The following SLC39A11 variants were observed in gnomAD, a reference collection of about 807,000 sequenced individuals.
SLC39A11 encodes solute carrier family 39 member 11, also known as zinc transporter ZIP11.
A neutral mutation model predicts 36.1 loss-of-function variants in SLC39A11; 33 were observed. The observed-to-expected ratio is 0.91, with a 90% CI of 0.69 to 1.22. The LOEUF (loss-of-function observed/expected upper bound fraction) is 1.22. SLC39A11 is among the 50% of genes most tolerant of loss of function. SLC39A11 has a pLI of 0.00. For synonymous variants in SLC39A11, 166 were observed against 170.3 expected (o/e 0.97, Z 0.20); for missense variants, 432 against 430.3 (o/e 1.00, Z -0.03).
intron 4 of SLC39A11, among the ~76,000 whole-genome samples, chr17:73,018,402 T>C (rs1240905231): frequency 6.6e-6 from 1 of 151,780 alleles, no homozygotes; most frequent in African/African-American, 2.4e-5. Context: ...ACAAAAATTA[T>C]CCACACGTGA....
intron 3 of SLC39A11, among the ~76,000 whole-genome samples, chr17:73,057,934 C>A (rs1468017683): frequency 6.6e-6 from 1 of 151,628 alleles, no homozygotes; most frequent in Non-Finnish European, 1.5e-5. Flanking sequence ...AAGACTCTAT[C>A]TCCAAAAAAA....
At chr17:72,684,556 T>C (rs909785812) in intron 7 of SLC39A11, among the ~76,000 whole-genome samples, 1 of 152,108 alleles carries the variant, frequency 6.6e-6, no homozygotes, top group East Asian at 1.9e-4. Context: ...CTGTAAACCT[T>C]GGGAGGCTTT....
At chr17:72,882,343 G>A (rs1413441326) in intron 5 of SLC39A11, among the ~76,000 whole-genome samples, 1 of 134,344 alleles carries the variant, frequency 7.4e-6, no homozygotes, top group African/African-American at 2.9e-5. Flanking sequence ...ATATCAGAAT[G>A]TACATATTCC....
chr17:73,065,793 A>C lies in SLC39A11; in HGVS notation c.147+19015T>G, dbSNP rs370410640. 2.0e-5 allele frequency among the ~76,000 whole-genome samples: 3 copies of C among 152,304 alleles called. No homozygotes were observed. In the East Asian group the frequency reaches 5.8e-4, roughly 29 times the overall value. On this transcript the variant is annotated intron_variant, in intron 3 of 9. Transcript: ENST00000255559. ...CACATTAGGCTTAACTGGGGCTTCA[A>C]ATTTTTTCCACCAATGTTTAAGTTA...
chr17:72,738,986 C>T (rs752611169), intron 6 of SLC39A11, among the ~76,000 whole-genome samples: 42 of 152,054 alleles, frequency 2.8e-4, no homozygotes, highest in Non-Finnish European at 4.6e-4. Context: ...AACAAGAGTC[C>T]GCAATGGGGT....
intron 6 of SLC39A11, among the ~76,000 whole-genome samples, chr17:72,842,703 G>A (rs2078872654): frequency 6.6e-6 from 1 of 152,152 alleles, no homozygotes; most frequent in Admixed American, 6.5e-5. Context: ...GTTTCCTCAG[G>A]GTGTCCTTCT....
Position 73,031,704 on chromosome 17 carries a change from G to C in SLC39A11, c.158C>G (p.Ala53Gly). ...SLGFAAGVMLAASYWSLLAPA... is the reference protein window; with the variant it reads ...SLGFAAGVMLGASYWSLLAPA... ...GGCCAGAAGAGACCAATAGGAAGCT[G>C]CCAACATGACCTACAAAAACCACAA... Residue 53 changes from alanine to glycine, a missense_variant, in exon 4 of 10, where the codon GCA (alanine) becomes GGA (glycine). Transcript: ENST00000255559. 1 of 1,613,558 alleles carries C rather than the reference G, an allele frequency of 6.2e-7. No homozygotes were observed.
chr17:73,004,877 A>T (rs1004518222), intron 4 of SLC39A11, among the ~76,000 whole-genome samples: 1 of 152,214 alleles, frequency 6.6e-6, no homozygotes, highest in African/African-American at 2.4e-5. Context: ...TGGAATACCC[A>T]AACAGTCCAC....
At chr17:72,665,300 A>C (rs1376803108) in intron 7 of SLC39A11, among the ~76,000 whole-genome samples, 1 of 151,284 alleles carries the variant, frequency 6.6e-6, no homozygotes, top group Non-Finnish European at 1.5e-5. Flanking sequence ...ACCCTGAGCC[A>C]GGACCACTCA....
rs549156975 is a variant in SLC39A11 at position 72,646,181 on chromosome 17, G to T, written c.*1403C>A. The stretch of plus-strand genomic sequence containing the variant: ...ACCCAGCCCAAGGTTGGCCTTTGGG[G>T]TCTGATAGCATTCACAGAGCAGGAG... On this transcript the variant is annotated 3_prime_UTR_variant, in exon 10 of 10. Coordinates refer to ENST00000255559, the MANE Select transcript of SLC39A11 (RefSeq NM_139177.4). 6.5e-6 allele frequency: 1 copy of T among 152,804 alleles called. No individual in the cohort carries two copies. The highest frequency in any genetic ancestry group is 2.1e-4 in the South Asian group (1 of 4,828). 9.5% of individuals were successfully genotyped at this position (152,804 alleles called of 1,614,324 possible).
chr17:72,904,925 G>A (rs2082572743), intron 5 of SLC39A11, among the ~76,000 whole-genome samples: 1 of 152,058 alleles, frequency 6.6e-6, no homozygotes, highest in Non-Finnish European at 1.5e-5. Flanking sequence ...TGTAATCCCA[G>A]CACTTTGGGA....
At chr17:72,718,887 C>T (rs2073525269) in intron 7 of SLC39A11, among the ~76,000 whole-genome samples, 1 of 152,112 alleles carries the variant, frequency 6.6e-6, no homozygotes, top group African/African-American at 2.4e-5. Context: ...GCCTCAGCCT[C>T]CCAAGTAGCT....
intron 7 of SLC39A11, among the ~76,000 whole-genome samples, chr17:72,680,453 G>A (rs1347201157): frequency 6.6e-6 from 1 of 152,186 alleles, no homozygotes; most frequent in African/African-American, 2.4e-5. Flanking sequence ...TTCCCATGCT[G>A]TTCTCATGAT....
intron 4 of SLC39A11, among the ~76,000 whole-genome samples, chr17:72,986,493 C>A (rs1037495473): frequency 6.6e-6 from 1 of 152,264 alleles, no homozygotes; most frequent in South Asian, 2.1e-4. Flanking sequence ...CCCACAGACC[C>A]TCCAAGGACC....
chr17:72,714,928 A>G (rs2073285265), intron 7 of SLC39A11, among the ~76,000 whole-genome samples: 1 of 152,236 alleles, frequency 6.6e-6, no homozygotes, highest in South Asian at 2.1e-4. Flanking sequence ...GTGGAAAAGC[A>G]TGGAATCAAG....
intron 5 of SLC39A11, among the ~76,000 whole-genome samples, chr17:72,884,673 T>TATC (rs1453044157): frequency 2.0e-5 from 3 of 152,180 alleles, no homozygotes; most frequent in African/African-American, 7.2e-5. Context: ...ATCTTGAACA[T>TATC]TAGAGTTTAA....
chr17:72,682,157 G>A (rs1401950737), intron 7 of SLC39A11, among the ~76,000 whole-genome samples: 4 of 148,316 alleles, frequency 2.7e-5, no homozygotes, highest in Admixed American at 6.6e-5. Flanking sequence ...CCCTAGATGG[G>A]ACGGTCTAGT....
intron 5 of SLC39A11, among the ~76,000 whole-genome samples, chr17:72,882,796 T>G (rs965225178): frequency 7.2e-6 from 1 of 138,326 alleles, no homozygotes; most frequent in Non-Finnish European, 1.5e-5. Flanking sequence ...AGAGAATGCT[T>G]CTTTTTTTTT....
At chr17:72,710,179 G>GT (rs1223656889) in intron 7 of SLC39A11, among the ~76,000 whole-genome samples, 1 of 152,180 alleles carries the variant, frequency 6.6e-6, no homozygotes, top group Non-Finnish European at 1.5e-5. Flanking sequence ...TGCCAGTGCT[G>GT]TTCTTATCTC....
Sources: allele counts gnomAD v4.1 joint callset (sites outside exome capture counted in the v4.1 genomes callset), GRCh38; gene constraint gnomAD v4.1.1; transcripts MANE v1.5; gene names NCBI Gene and HGNC (gene_info 2026-07-23, HGNC 2026-07-21).